The following GPC2 variants were observed in gnomAD, a reference collection of about 807,000 sequenced individuals.
The protein encoded by GPC2 is glypican-2.
Under a neutral mutation model 57.3 loss-of-function variants are expected in GPC2, and 42 were observed. That is an observed-to-expected ratio of 0.73 (90% confidence interval 0.57 to 0.95). The LOEUF is 0.95. Among genes scored for constraint, GPC2 ranks in the 40% least tolerant of loss-of-function variants. GPC2 has a pLI of 0.00. For synonymous variants in GPC2, 364 were observed against 343.4 expected, an observed-to-expected ratio of 1.06 and a Z score of -0.66; for missense variants, 745 against 793.6, an observed-to-expected ratio of 0.94 and a Z score of 0.74.
At chr7:100,176,032 G>C in intron 2 of GPC2, 138 bp from the exon 3 acceptor site, 1 of 828,296 alleles carries the variant, frequency 1.2e-6, no homozygotes. Flanking sequence ...CTCAGAGATG[G>C]GGCAGACAGG....
intron 4 of GPC2, 49 bp from the exon 5 acceptor site, chr7:100,174,046 C>G (rs1468637546): frequency 4.1e-6 from 6 of 1,446,142 alleles, no homozygotes; most frequent in Non-Finnish European, 5.5e-6. Flanking sequence ...TGTGGCTGCT[C>G]TCAGCCTGGC....
chr7:100,172,318 G>C, intron 5 of GPC2, 101 bp from the exon 6 acceptor site: 1 of 1,320,036 alleles, frequency 7.6e-7, no homozygotes, highest in South Asian at 1.3e-5. Flanking sequence ...GCAGCAAAGT[G>C]TTTGGGGGAA....
intron 5 of GPC2, among the ~76,000 whole-genome samples, chr7:100,172,577 T>G (rs1799196407): frequency 6.6e-6 from 1 of 150,662 alleles, no homozygotes; most frequent in African/African-American, 2.4e-5. Flanking sequence ...GCGATTCTTC[T>G]GCCTCAGCCT....
rs868416287 is a variant in GPC2, at chr7:100,171,591, C to T, written c.1258G>A (p.Ala420Thr). The stretch of plus-strand genomic sequence containing the variant: ...GGCGCCGCCTCCAGCGAGGCGTCCG[C>T]TGCCATGCGAGAGTCTCCGCACACC... ...LTVCGDSRMAADASLEAAPCW... is the reference protein window; with the variant it reads ...LTVCGDSRMATDASLEAAPCW... Residue 420 changes from alanine to threonine, a missense_variant, in exon 8 of 10, where the codon GCG becomes ACG. Transcript: ENST00000292377. The surrounding 1 kb of genome is among the most constrained non-coding windows in gnomAD (Gnocchi z 4.8). 2 of 1,517,180 alleles carry T rather than the reference C, an allele frequency of 1.3e-6. No individual in the cohort carries two copies. The highest frequency in any genetic ancestry group is 1.4e-5 in the African/African-American group (1 of 69,914). 94.0% of individuals were successfully genotyped at this position (1,517,180 alleles called of 1,614,324 possible). A position where few individuals can be genotyped will look rare whatever the true frequency, so the allele number is the denominator to read the frequency against.
In GPC2 at chr7:100,177,145, C is replaced by G. The variant is rs151114110; in HGVS notation, c.55G>C (p.Gly19Arg). Residue 19 changes from glycine (G) to arginine (R), a missense_variant, in exon 1 of 10, where the codon GGT becomes CGT. Physicochemically the swap from Gly to Arg is moderately radical, Grantham distance 125. Around this residue, in one of 2 missense-constraint regions of GPC2, gnomAD observed 138 missense variants for 189.8 expected, o/e 0.73. Transcript: ENST00000292377. ...TTTGCCTCGCTCCCGGGTCCGGGAC[C>G]AGGACCGGGACACAGAGGCAGCAGC... is the stretch of plus-strand genomic sequence containing the variant. ...LLLLPLCPGP[G>R]PGPGSEAKVT... is the part of the protein sequence containing the mutation. The G allele has an allele frequency of 6.2e-7, 1 of 1,613,754 alleles. No homozygotes were observed. The highest frequency in any genetic ancestry group is 8.5e-7 in the Non-Finnish European group (1 of 1,179,926).
Position 100,171,143 on chromosome 7 carries a change from G to T in GPC2, c.1486+118C>A, listed in dbSNP as rs538524147. On this transcript the variant is annotated intron_variant, in intron 9 of 9. Transcript: ENST00000292377. The surrounding 1 kb of genome is among the most constrained non-coding windows in gnomAD (Gnocchi z 4.8). ...AACGCTCAATAAATGCTCGTTGAAT[G>T]AATTAGTGAATTAATCAATGAACGC... 139 of 894,046 alleles carry T rather than the reference G, an allele frequency of 1.6e-4. No homozygotes were observed. The highest frequency in any genetic ancestry group is 2.2e-4 in the Non-Finnish European group (138 of 621,014). The allele number at this position is 894,046 out of a possible 1,614,324, so 55.4% of individuals were successfully genotyped here.
Position 100,171,846 on chromosome 7 carries a change from C to G in GPC2, c.1103G>C (p.Arg368Pro), listed in dbSNP as rs775927097. 3.2e-6 allele frequency: 5 copies of G among 1,554,320 alleles called. No individual in the cohort carries two copies. Among genetic ancestry groups the G allele is most frequent in the Admixed American group, 1.9e-5 (1 of 53,204 alleles). Reference protein sequence around the residue: ...RAPPPREEAGRLWSMVTEEER... With the variant: ...RAPPPREEAGPLWSMVTEEER... ...CTCCTCGGTCACCATCGACCACAGC[C>G]GGCCCGCCTCTTCCCGGGGCGGCGG... Residue 368 changes from arginine to proline, a missense_variant, in exon 7 of 10, where the codon CGG becomes CCG. Arg to Pro is a moderately radical substitution (Grantham distance 103). Coordinates refer to ENST00000292377, the MANE Select transcript of GPC2 (RefSeq NM_152742.3). This position sits in a 1 kb window ranked among gnomAD's most constrained non-coding sequence, Gnocchi z 4.8.
At position 100,175,589 on chromosome 7, in the gene GPC2, G is replaced by T; in HGVS notation, c.631C>A (p.Arg211Ser). ...TCCCTCACCTGCAGGCGGAGGCGGC[G>T]GGGTGAGTCCCCAAAGGGCTGCAGA... ...GSLQPFGDSPRRLRLQITRTL... is the reference protein window; with the variant it reads ...GSLQPFGDSPSRLRLQITRTL... Residue 211 changes from arginine to serine, a missense_variant, in exon 3 of 10, where the codon CGC becomes AGC. This residue lies in a region of GPC2 where 607 missense variants were observed against 603.9 expected (regional missense o/e 1.01). Coordinates refer to ENST00000292377, the MANE Select transcript of GPC2 (RefSeq NM_152742.3). The T allele has an allele frequency of 6.2e-7, 1 of 1,610,530 alleles. No individual in the cohort carries two copies. Among genetic ancestry groups the T allele is most frequent in the Non-Finnish European group, 8.5e-7 (1 of 1,178,130 alleles).
rs1799191251 is a variant in GPC2, at chr7:100,172,179, A to C, written c.931T>G (p.Phe311Val). The change falls in exon 6 of 10, where the codon TTT becomes GTT. Residue 311 changes from phenylalanine to valine, a missense_variant. By Grantham distance (50) the Phe-to-Val change is conservative (BLOSUM62 -1). Around this residue, in one of 2 missense-constraint regions of GPC2, gnomAD observed 607 missense variants for 603.9 expected, o/e 1.01. Transcript: ENST00000292377. ...GACTCGGCCGTCAGCTCAAAGGAAA[A>C]GGGGCCCTGGAGCTTATCAGCCAGG... ...LILADKLQGP[F>V]SFELTAESIG... 6.2e-7 allele frequency: 1 copy of C among 1,613,960 alleles called. No individual in the cohort carries two copies. The highest frequency in any genetic ancestry group is 2.2e-5 in the East Asian group (1 of 44,874).
chr7:100,171,504 GC>G lies in GPC2; in HGVS notation c.1310+34del. ...CCCCGCCCCTCCCGGCCGCGGTCCC[GC>G]CCCCTGCTGCCCCCCGACGCCCCCG... On this transcript the variant is annotated intron_variant, in intron 8 of 9. Coordinates refer to ENST00000292377, the MANE Select transcript of GPC2 (RefSeq NM_152742.3). The surrounding 1 kb of genome is among the most constrained non-coding windows in gnomAD (Gnocchi z 4.8). 2 of 1,347,294 alleles carry G rather than the reference GC, an allele frequency of 1.5e-6. No homozygotes were observed. The highest frequency in any genetic ancestry group is 1.9e-6 in the Non-Finnish European group (2 of 1,056,530). The allele number at this position is 1,347,294 out of a possible 1,614,324, so 83.5% of individuals were successfully genotyped here. A position where few individuals can be genotyped will look rare whatever the true frequency, so the allele number is the denominator to read the frequency against.
intron 4 of GPC2, 47 bp from the exon 5 acceptor site, chr7:100,174,044 C>T (rs769220741): frequency 2.3e-5 from 34 of 1,449,912 alleles, no homozygotes; most frequent in Non-Finnish European, 2.9e-5. Context: ...GCTGTGGCTG[C>T]TCTCAGCCTG....
In GPC2 at chr7:100,171,339, G is replaced by A. The variant is rs752689029; in HGVS notation, c.1408C>T (p.Arg470Cys). 2.5e-5 allele frequency: 39 copies of A among 1,544,178 alleles called. 1 individual carries two copies. In the South Asian group the frequency reaches 4.1e-4, roughly 16 times the overall value. The change falls in exon 9 of 10, where the codon CGT becomes TGT. Residue 470 changes from arginine to cysteine, a missense_variant. Physicochemically the swap from Arg to Cys is radical, Grantham distance 180. Coordinates refer to ENST00000292377, the MANE Select transcript of GPC2 (RefSeq NM_152742.3). The surrounding 1 kb of genome is among the most constrained non-coding windows in gnomAD (Gnocchi z 4.8). The part of the protein sequence containing the change: ...ASGPDVPTRR[R>C]RLQLRAATAR... ...GTGGCCGCCCGGAGCTGTAGCCGACGCCGCCGTGTCGGGACATCGGGGCCC... is the reference window on the plus strand; with the variant it reads ...GTGGCCGCCCGGAGCTGTAGCCGACACCGCCGTGTCGGGACATCGGGGCCC...
At chr7:100,172,043 C>A (rs1160141987) in intron 6 of GPC2, 44 bp downstream of exon 6, 1 of 1,606,478 alleles carries the variant, frequency 6.2e-7, no homozygotes, top group Admixed American at 1.7e-5. Flanking sequence ...ACACCCACAC[C>A]GTCCCCGCCC....
intron 4 of GPC2, chr7:100,174,205 G>A: frequency 1.9e-6 from 1 of 523,722 alleles, no homozygotes; most frequent in Admixed American, 3.6e-5. Flanking sequence ...AAATAGAGAG[G>A]CAGTTAGGGG....
At position 100,171,826 on chromosome 7, in the gene GPC2, C is replaced by T; in HGVS notation, c.1123G>A (p.Glu375Lys). 11 of 1,572,222 alleles carry T rather than the reference C, an allele frequency of 7.0e-6. No homozygotes were observed. The highest frequency in any genetic ancestry group is 4.6e-5 in the East Asian group (2 of 43,320). Residue 375 changes from glutamate to lysine, a missense_variant, in exon 7 of 10, where the codon GAG becomes AAG. Coordinates refer to ENST00000292377, the MANE Select transcript of GPC2 (RefSeq NM_152742.3). The surrounding 1 kb of genome is among the most constrained non-coding windows in gnomAD (Gnocchi z 4.8). The part of the protein sequence containing the change: ...EAGRLWSMVT[E>K]EERPTTAAGT... The stretch of plus-strand genomic sequence containing the variant: ...GCGGCCGTCGTGGGCCGCTCCTCCT[C>T]GGTCACCATCGACCACAGCCGGCCC...
intron 1 of GPC2, 105 bp downstream of exon 1, chr7:100,176,929 A>G (rs906977957): frequency 1.7e-5 from 14 of 830,554 alleles, no homozygotes; most frequent in East Asian, 3.0e-5. Flanking sequence ...GGATGAAAAG[A>G]TTAGTATAAC....
intron 3 of GPC2, among the ~76,000 whole-genome samples, 191 bp downstream of exon 3, chr7:100,175,381 A>C (rs1286221689): frequency 1.3e-5 from 2 of 152,122 alleles, no homozygotes; most frequent in South Asian, 4.1e-4. Context: ...AAGAAGACCA[A>C]GGGGCACTGG....
At chr7:100,174,313 A>C in intron 4 of GPC2, 1 of 516,776 alleles carries the variant, frequency 1.9e-6, no homozygotes, top group East Asian at 3.5e-5. Context: ...CAGGTAGAGG[A>C]TGGGCAGTGA....
chr7:100,170,576 G>C lies in GPC2; in HGVS notation c.1487-93C>G. 8 of 1,213,350 alleles carry C rather than the reference G, an allele frequency of 6.6e-6. No individual in the cohort carries two copies. The South Asian group carries it at 7.5e-5, about 11-fold the overall frequency. 75.2% of individuals were successfully genotyped at this position (1,213,350 alleles called of 1,614,324 possible). ...AAATTGAGATAAAAACAGAAAGAGA[G>C]AGGAAAGGGAGGGAGACACAGGTGG... On this transcript the variant is annotated intron_variant, in intron 9 of 9. Transcript: ENST00000292377.
Sources: gnomAD v4.1 joint callset for allele counts (sites outside exome capture counted in the v4.1 genomes callset) on GRCh38, gnomAD v4.1.1 for gene constraint, gnomAD v4.1.1 regional missense constraint, Gnocchi (gnomAD v3.1) non-coding constraint, MANE v1.5 for transcripts, NCBI Gene and HGNC (gene_info 2026-07-23, HGNC 2026-07-21) for gene names.